SLC25A21: variants seen among roughly 807,000 people sequenced by gnomAD.
SLC25A21 encodes mitochondrial 2-oxodicarboxylate carrier.
SLC25A21 carries 47 observed loss-of-function variants against 43.8 expected under a neutral mutation model. That is an observed-to-expected ratio of 1.07 (90% CI 0.85 to 1.37). SLC25A21 has a LOEUF of 1.37. SLC25A21 is among the 40% of genes most tolerant of loss of function. The pLI, the probability that SLC25A21 is intolerant of heterozygous loss-of-function variation, is 0.00. For synonymous variants in SLC25A21, 131 were observed against 121.3 expected, an observed-to-expected ratio of 1.08 and a Z score of -0.52; for missense variants, 352 against 350.2, an observed-to-expected ratio of 1.00 and a Z score of -0.04.
chr14:36,966,277 T>A (rs529168339), intron 1 of SLC25A21, among the ~76,000 whole-genome samples: 15 of 152,282 alleles, frequency 9.9e-5, no homozygotes, highest in African/African-American at 2.6e-4. Context: ...TGTGGGGAGT[T>A]GCCATCAACA....
intron 1 of SLC25A21, among the ~76,000 whole-genome samples, chr14:37,161,506 T>G (rs2138949055): frequency 6.6e-6 from 1 of 152,280 alleles, no homozygotes; most frequent in Admixed American, 6.5e-5. Flanking sequence ...GAAAAAGATA[T>G]GCTGAAGTTT....
chr14:36,928,269 A>G (rs535126729), intron 1 of SLC25A21, among the ~76,000 whole-genome samples: 12 of 152,212 alleles, frequency 7.9e-5, no homozygotes, highest in Non-Finnish European at 1.6e-4. Context: ...AGAAAAATAA[A>G]CAGGTACTCC....
intron 1 of SLC25A21, among the ~76,000 whole-genome samples, chr14:37,150,925 CTAA>C (rs1451024619): frequency 6.6e-6 from 1 of 152,086 alleles, no homozygotes; most frequent in African/African-American, 2.4e-5. Flanking sequence ...AGAACAAAAA[CTAA>C]TGTTTTTCAC....
intron 1 of SLC25A21, among the ~76,000 whole-genome samples, chr14:37,161,059 A>G (rs1963932800): frequency 6.6e-6 from 1 of 151,792 alleles, no homozygotes; most frequent in Non-Finnish European, 1.5e-5. Context: ...GCAGAGTAGG[A>G]TGACTATACT....
At chr14:36,942,869 T>G (rs911141920) in intron 1 of SLC25A21, among the ~76,000 whole-genome samples, 3 of 152,188 alleles carry the variant, frequency 2.0e-5, no homozygotes, top group Non-Finnish European at 4.4e-5. Context: ...ACTAAAATAT[T>G]ATGTGCAGAG....
chr14:36,705,382 A>G (rs117781378), intron 7 of SLC25A21, among the ~76,000 whole-genome samples: 98 of 152,278 alleles, frequency 6.4e-4, no homozygotes, highest in Non-Finnish European at 1.2e-3. Flanking sequence ...GTCCGCAAAC[A>G]TAGCCTTAGA....
chr14:37,161,861 G>A (rs182183570), intron 1 of SLC25A21, among the ~76,000 whole-genome samples: 32 of 151,230 alleles, frequency 2.1e-4, no homozygotes, highest in Admixed American at 1.3e-3. Context: ...TACTCGGCAG[G>A]CTGAGGCAGG....
At chr14:37,026,224 T>G (rs2138761174) in intron 1 of SLC25A21, among the ~76,000 whole-genome samples, 1 of 152,318 alleles carries the variant, frequency 6.6e-6, no homozygotes, top group African/African-American at 2.4e-5. Flanking sequence ...CTACATATCA[T>G]TAGTTTTCAA....
At chr14:36,921,215 T>C (rs1891972017) in intron 1 of SLC25A21, among the ~76,000 whole-genome samples, 1 of 152,160 alleles carries the variant, frequency 6.6e-6, no homozygotes, top group Admixed American at 6.5e-5. Flanking sequence ...ATTGACCTTG[T>C]TTCTATATGA....
At chr14:36,884,814 T>A (rs1359979998) in intron 1 of SLC25A21, among the ~76,000 whole-genome samples, 1 of 152,196 alleles carries the variant, frequency 6.6e-6, no homozygotes, top group East Asian at 1.9e-4. Flanking sequence ...TGCTCATTTT[T>A]AATGGGGTAT....
At chr14:36,793,383 T>A (rs1054964584) in intron 3 of SLC25A21, among the ~76,000 whole-genome samples, 5 of 151,958 alleles carry the variant, frequency 3.3e-5, no homozygotes, top group Admixed American at 1.3e-4. Flanking sequence ...ATTAATAGAA[T>A]AAATGAAAGA....
At chr14:37,024,384 T>G (rs1961049703) in intron 1 of SLC25A21, among the ~76,000 whole-genome samples, 1 of 151,992 alleles carries the variant, frequency 6.6e-6, no homozygotes, top group Non-Finnish European at 1.5e-5. Context: ...TGTTGATGGT[T>G]CTATGAAAGC....
intron 3 of SLC25A21, among the ~76,000 whole-genome samples, chr14:36,777,944 G>A (rs553831283): frequency 2.0e-5 from 3 of 152,206 alleles, no homozygotes; most frequent in South Asian, 2.1e-4. Context: ...TAACACTGAA[G>A]GTGCCCCTCA....
chr14:37,133,624 C>T (rs1290377374), intron 1 of SLC25A21, among the ~76,000 whole-genome samples: 3 of 151,664 alleles, frequency 2.0e-5, no homozygotes, highest in Non-Finnish European at 2.9e-5. Context: ...ATACCTCATA[C>T]ACCATAAAAA....
intron 1 of SLC25A21, among the ~76,000 whole-genome samples, chr14:36,979,817 A>C (rs1252975556): frequency 1.3e-5 from 2 of 152,202 alleles, no homozygotes; most frequent in Admixed American, 1.3e-4. Context: ...TTTGTTTCTG[A>C]CTTTCTAAAG....
chr14:36,907,455 T>TA (rs145285915), intron 1 of SLC25A21, among the ~76,000 whole-genome samples: 92 of 152,258 alleles, frequency 6.0e-4, no homozygotes, highest in East Asian at 2.3e-3. Context: ...CTTATTTTTT[T>TA]AAAAAAACCT....
intron 1 of SLC25A21, among the ~76,000 whole-genome samples, chr14:37,131,910 G>A (rs1963397972): frequency 6.6e-6 from 1 of 152,168 alleles, no homozygotes; most frequent in Non-Finnish European, 1.5e-5. Context: ...CTGTGCTTGG[G>A]TGATCCTCCC....
Position 36,677,951 on chromosome 14 carries a change from A to G in SLC25A21, c.*2707T>C, listed in dbSNP as rs1881979133. 2.0e-5 allele frequency: 3 copies of G among 153,088 alleles called. No individual in the cohort carries two copies. Among genetic ancestry groups the G allele is most frequent in the Non-Finnish European group, 4.4e-5 (3 of 68,588 alleles). 9.5% of individuals were successfully genotyped at this position (153,088 alleles called of 1,614,324 possible). A position where few individuals can be genotyped will look rare whatever the true frequency, so the allele number is the denominator to read the frequency against. On this transcript the variant is annotated 3_prime_UTR_variant, in exon 10 of 10. Transcript: ENST00000331299. ...CTACAGTTTTTAATCCCTTCTGTTT[A>G]GGAAGTTCTTCCTGTTTGGCAATAT...
intron 3 of SLC25A21, among the ~76,000 whole-genome samples, chr14:36,776,558 T>C (rs1247234332): frequency 6.6e-6 from 1 of 151,966 alleles, no homozygotes; most frequent in African/African-American, 2.4e-5. Context: ...GCTTTCTTTG[T>C]TCCTATAATC....
Sources: gnomAD v4.1 joint callset for allele counts (sites outside exome capture counted in the v4.1 genomes callset) on GRCh38, gnomAD v4.1.1 for gene constraint, MANE v1.5 for transcripts, NCBI Gene and HGNC (gene_info 2026-07-23, HGNC 2026-07-21) for gene names.